Variants in FSTL4 observed in about 807,000 individuals in gnomAD.
FSTL4 encodes follistatin like 4.
In FSTL4, 28 loss-of-function variants were observed where a neutral mutation model predicts 78.2. The observed-to-expected ratio is 0.36, with a 90% CI of 0.27 to 0.49. The LOEUF is 0.49. FSTL4 is among the 20% of genes least tolerant of loss of function. The pLI is 0.98. For missense variants in FSTL4, 922 were observed against 1,084.9 expected, an observed-to-expected ratio of 0.85 and a Z score of 2.11; for synonymous variants, 422 against 440.5, an observed-to-expected ratio of 0.96 and a Z score of 0.53.
intron 4 of FSTL4, among the ~76,000 whole-genome samples, chr5:133,352,357 CACACATATATATACACAT>C (rs1754849950): frequency 7.0e-6 from 1 of 143,252 alleles, no homozygotes; most frequent in African/African-American, 2.7e-5. Flanking sequence ...TATATATACA[CACACATATATATACACAT>C]ATATATATAT....
intron 3 of FSTL4, among the ~76,000 whole-genome samples, chr5:133,418,882 T>C (rs1251026332): frequency 6.6e-6 from 1 of 152,204 alleles, no homozygotes; most frequent in Non-Finnish European, 1.5e-5. Context: ...TCATGCCGCT[T>C]TGTAACCCTC....
At chr5:133,732,257 C>G in the FSTL4 span, among the ~76,000 whole-genome samples, 1 of 152,278 alleles carries the variant, frequency 6.6e-6, no homozygotes, top group Non-Finnish European at 1.5e-5. Flanking sequence ...CAGGTACCAA[C>G]CTGGGCCTGT....
the FSTL4 span, among the ~76,000 whole-genome samples, chr5:133,686,486 T>C: frequency 9.2e-5 from 14 of 152,274 alleles, no homozygotes; most frequent in African/African-American, 3.4e-4. Flanking sequence ...GGATAGTTCA[T>C]TTTATTCAGT....
At chr5:133,829,048 C>T in the FSTL4 span, among the ~76,000 whole-genome samples, 1 of 152,144 alleles carries the variant, frequency 6.6e-6, no homozygotes, top group African/African-American at 2.4e-5. Context: ...CCGAAAGGCA[C>T]CATTTCTTCA....
Position 133,517,377 on chromosome 5 carries a change from C to T in FSTL4, c.160+49809G>A, listed in dbSNP as rs146742079. 6.3e-5 allele frequency among the ~76,000 whole-genome samples: 8 copies of T among 127,128 alleles called. No homozygotes were observed. The East Asian group carries it at 2.0e-3, about 31-fold the overall frequency. The allele number at this position is 127,128 out of a possible 152,430, so 83.4% of individuals were successfully genotyped here. A position where few individuals can be genotyped will look rare whatever the true frequency, so the allele number is the denominator to read the frequency against. ...GGTGGAGGTTGCATTAAGCCGAGAT[C>T]ATACCCATGCATTCCAGCCTGGGCG... On this transcript the variant is annotated intron_variant, in intron 3 of 15. Coordinates refer to ENST00000265342, the MANE Select transcript of FSTL4 (RefSeq NM_015082.2).
chr5:133,349,163 AC>A (rs1321819891), intron 4 of FSTL4, among the ~76,000 whole-genome samples: 2 of 152,124 alleles, frequency 1.3e-5, no homozygotes, highest in African/African-American at 4.8e-5. Flanking sequence ...TGGGATATGG[AC>A]CCCTGCCTAT....
chr5:133,311,443 C>A (rs1017607807), intron 6 of FSTL4, among the ~76,000 whole-genome samples: 2 of 152,090 alleles, frequency 1.3e-5, no homozygotes, highest in Non-Finnish European at 2.9e-5. Flanking sequence ...TGGAAAGGCC[C>A]CTGCAACCAC....
At chr5:133,688,614 A>G in the FSTL4 span, among the ~76,000 whole-genome samples, 1 of 152,250 alleles carries the variant, frequency 6.6e-6, no homozygotes, top group Non-Finnish European at 1.5e-5. Flanking sequence ...AGGACAGAAC[A>G]GAGATTCTGT....
the FSTL4 span, among the ~76,000 whole-genome samples, chr5:133,833,361 A>G: frequency 6.6e-6 from 1 of 152,238 alleles, no homozygotes; most frequent in African/African-American, 2.4e-5. Context: ...ATTTTTTTGA[A>G]ACATACTTTA....
At chr5:133,499,161 G>A (rs897871046) in intron 3 of FSTL4, among the ~76,000 whole-genome samples, 2 of 152,104 alleles carry the variant, frequency 1.3e-5, no homozygotes, top group African/African-American at 4.8e-5. Flanking sequence ...TTCTTCTCAT[G>A]ACCATGTTTC....
intron 1 of FSTL4, among the ~76,000 whole-genome samples, chr5:133,610,197 C>G (rs1241546810): frequency 6.6e-6 from 1 of 152,166 alleles, no homozygotes; most frequent in Non-Finnish European, 1.5e-5. Context: ...CTCCTCTTCC[C>G]TCACCCACCT....
the FSTL4 span, among the ~76,000 whole-genome samples, chr5:133,636,660 T>C: frequency 1.3e-5 from 2 of 152,178 alleles, no homozygotes; most frequent in Non-Finnish European, 2.9e-5. Flanking sequence ...TGTAAATTAC[T>C]CATTTAGTTG....
intron 6 of FSTL4, among the ~76,000 whole-genome samples, chr5:133,267,466 T>G (rs1057146513): frequency 2.0e-5 from 3 of 152,134 alleles, no homozygotes; most frequent in African/African-American, 7.2e-5. Flanking sequence ...CATCTGCCCA[T>G]CACACAGATG....
the FSTL4 span, among the ~76,000 whole-genome samples, chr5:133,796,760 G>A: frequency 6.6e-6 from 1 of 152,064 alleles, no homozygotes; most frequent in East Asian, 1.9e-4. Context: ...GGGCATGGTG[G>A]GCCAAACGGC....
intron 6 of FSTL4, chr5:133,256,443 A>G (rs1752383157): frequency 6.6e-6 from 1 of 152,260 alleles, no homozygotes. Context: ...TGTCTCCTGA[A>G]CAAACAGGGC....
At chr5:133,808,097 G>A in the FSTL4 span, among the ~76,000 whole-genome samples, 3,453 of 152,274 alleles carry the variant, frequency 0.023, 56 homozygotes, top group Non-Finnish European at 0.035. Context: ...CGTTTCTAAG[G>A]CATGAAATGT....
intron 3 of FSTL4, among the ~76,000 whole-genome samples, chr5:133,420,454 T>A (rs1490877176): frequency 6.6e-6 from 1 of 152,230 alleles, no homozygotes; most frequent in Non-Finnish European, 1.5e-5. Flanking sequence ...TAATCTCAAG[T>A]GGAAATTTAA....
chr5:133,258,684 G>T (rs2126832403), intron 6 of FSTL4, among the ~76,000 whole-genome samples: 1 of 152,308 alleles, frequency 6.6e-6, no homozygotes. Flanking sequence ...TGTTTAGGGA[G>T]AGCTGCCTGA....
At chr5:133,288,580 C>T (rs778123213) in intron 6 of FSTL4, among the ~76,000 whole-genome samples, 1 of 152,252 alleles carries the variant, frequency 6.6e-6, no homozygotes, top group African/African-American at 2.4e-5. Context: ...ATGCTCAGAG[C>T]CCCCAGCAAG....
Sources: allele counts gnomAD v4.1 joint callset (sites outside exome capture counted in the v4.1 genomes callset), GRCh38; gene constraint gnomAD v4.1.1; transcripts MANE v1.5; gene names NCBI Gene and HGNC (gene_info 2026-07-23, HGNC 2026-07-21).